Variants in CALN1 observed in about 807,000 individuals in gnomAD.
CALN1 encodes the protein calcium-binding protein 8.
A neutral mutation model predicts 30.6 loss-of-function variants in CALN1; 17 were observed. That is an observed-to-expected ratio of 0.56 (90% CI 0.38 to 0.83). CALN1 has a LOEUF of 0.83. Ranked by LOEUF, CALN1 falls within the 40% of genes least tolerant of loss-of-function variation. CALN1 has a pLI of 0.00. For synonymous variants in CALN1, 156 were observed against 131.4 expected, an observed-to-expected ratio of 1.19 and a Z score of -1.28; for missense variants, 291 against 354.9, an observed-to-expected ratio of 0.82 and a Z score of 1.45.
At chr7:72,399,069 G>A (rs547318741) in intron 2 of CALN1, among the ~76,000 whole-genome samples, 1 of 152,168 alleles carries the variant, frequency 6.6e-6, no homozygotes, top group Non-Finnish European at 1.5e-5. Flanking sequence ...AGAGAAGGAG[G>A]TCACCATCTA....
At chr7:72,143,081 A>G (rs1218107755) in intron 3 of CALN1, among the ~76,000 whole-genome samples, 1 of 152,220 alleles carries the variant, frequency 6.6e-6, no homozygotes, top group Non-Finnish European at 1.5e-5. Flanking sequence ...TCCTCCTCCA[A>G]AGGAATGCAG....
chr7:71,979,609 C>A (rs1289371491), intron 5 of CALN1, among the ~76,000 whole-genome samples: 1 of 152,158 alleles, frequency 6.6e-6, no homozygotes, highest in South Asian at 2.1e-4. Context: ...CCACCTCTCA[C>A]CTCTTGCTGT....
At chr7:72,059,887 G>C (rs1803527557) in intron 4 of CALN1, among the ~76,000 whole-genome samples, 1 of 152,224 alleles carries the variant, frequency 6.6e-6, no homozygotes, top group African/African-American at 2.4e-5. Flanking sequence ...GCTGGCAGCT[G>C]TGGAACATGC....
At chr7:71,897,921 T>G (rs1793611572) in intron 5 of CALN1, among the ~76,000 whole-genome samples, 1 of 131,524 alleles carries the variant, frequency 7.6e-6, no homozygotes. Flanking sequence ...AAACCAAGCT[T>G]GAGAATGTTG....
intron 2 of CALN1, among the ~76,000 whole-genome samples, chr7:72,287,858 G>A (rs551810824): frequency 6.6e-6 from 1 of 151,986 alleles, no homozygotes; most frequent in African/African-American, 2.4e-5. Flanking sequence ...ATATTTGCAG[G>A]AATTTCTCTG....
intron 3 of CALN1, among the ~76,000 whole-genome samples, chr7:72,236,292 G>T (rs1023071893): frequency 2.6e-5 from 4 of 152,042 alleles, no homozygotes; most frequent in Non-Finnish European, 5.9e-5. Context: ...GAGTTGACTT[G>T]GCTTGTAAGG....
chr7:72,169,713 A>G (rs1310932426), intron 3 of CALN1, among the ~76,000 whole-genome samples: 2 of 151,712 alleles, frequency 1.3e-5, no homozygotes, highest in Non-Finnish European at 2.9e-5. Context: ...CCCCCAAGAC[A>G]AAGTCTCACT....
intron 3 of CALN1, among the ~76,000 whole-genome samples, chr7:72,114,093 C>G (rs1023184356): frequency 2.6e-5 from 4 of 151,484 alleles, no homozygotes; most frequent in Non-Finnish European, 5.9e-5. Context: ...AAAGACAATG[C>G]TGGAGGGCTG....
chr7:72,214,022 G>A (rs1387028235), intron 3 of CALN1, among the ~76,000 whole-genome samples: 1 of 152,124 alleles, frequency 6.6e-6, no homozygotes, highest in Non-Finnish European at 1.5e-5. Context: ...AGCCACAGGA[G>A]GAGCACAGGC....
chr7:71,958,088 G>GAAAAAAAAAAAAAAAAAAAGAAAA (rs1797057602), intron 5 of CALN1, among the ~76,000 whole-genome samples: 1 of 125,370 alleles, frequency 8.0e-6, no homozygotes. Flanking sequence ...AAAAAAGAAA[G>GAAAAAAAAAAAAAAAAAAAGAAAA]AAAGAAAAAA....
intron 4 of CALN1, among the ~76,000 whole-genome samples, chr7:72,054,496 T>C (rs377283323): frequency 1.6e-5 from 1 of 62,738 alleles, no homozygotes; most frequent in Non-Finnish European, 2.7e-5. Context: ...TATATACATA[T>C]ATACATATAT....
intron 5 of CALN1, among the ~76,000 whole-genome samples, chr7:71,871,019 C>T (rs575690671): frequency 4.6e-5 from 7 of 151,712 alleles, no homozygotes; most frequent in Non-Finnish European, 7.4e-5. Flanking sequence ...TCTGACAACA[C>T]GCACCTGTTG....
At chr7:72,246,433 G>A (rs536345386) in intron 3 of CALN1, among the ~76,000 whole-genome samples, 1 of 152,250 alleles carries the variant, frequency 6.6e-6, no homozygotes, top group East Asian at 1.9e-4. Context: ...GGAGAGTGGT[G>A]TCCTCCCTGG....
intron 5 of CALN1, among the ~76,000 whole-genome samples, chr7:71,836,973 T>C (rs1183352124): frequency 6.7e-6 from 1 of 149,650 alleles, no homozygotes; most frequent in Non-Finnish European, 1.5e-5. Flanking sequence ...GGCTCCTGCC[T>C]GTAATCCCAG....
rs561965781 is a variant in CALN1, at chr7:72,073,656, T to TCTCCC, written c.388+32490_388+32494dup. ...CTGTCTTTTTCCTTCCTGTCTTCCT[T>TCTCCC]CTCCCCTCCCCTCCCCTCCCTTCTC... On this transcript the variant is annotated intron_variant, in intron 4 of 6. Transcript: ENST00000395275. Among the ~76,000 whole-genome samples the TCTCCC allele has an allele frequency of 4.0e-3, 602 of 151,574 alleles. 3 individuals are homozygous for TCTCCC. The highest frequency in any genetic ancestry group is 0.014 in the African/African-American group (579 of 41,172).
rs1047889434 is a variant in CALN1 at position 72,096,795 on chromosome 7, A to T, written c.388+9356T>A. Among the ~76,000 whole-genome samples the T allele has an allele frequency of 2.3e-4, 35 of 152,286 alleles. 2 individuals carry two copies. The highest frequency in any genetic ancestry group is 6.8e-3 in the Middle Eastern group (2 of 294). On this transcript the variant is annotated intron_variant, in intron 4 of 6. Coordinates refer to ENST00000395275, the MANE Select transcript of CALN1 (RefSeq NM_031468.4). Reference sequence around the variant, plus strand: ...AACCAGAAATACCATTTGACCCAGCAATCCCATTACTGGGTATATACCCAA... The same window carrying T: ...AACCAGAAATACCATTTGACCCAGCTATCCCATTACTGGGTATATACCCAA...
intron 3 of CALN1, among the ~76,000 whole-genome samples, chr7:72,163,387 G>A (rs1447392979): frequency 2.3e-4 from 12 of 53,184 alleles, no homozygotes; most frequent in Non-Finnish European, 3.5e-4. Flanking sequence ...AAACTTATTG[G>A]AGATTAAAAA....
the CALN1 span, among the ~76,000 whole-genome samples, chr7:72,491,219 TC>T: frequency 7.1e-6 from 1 of 140,178 alleles, no homozygotes; most frequent in Non-Finnish European, 1.5e-5. Context: ...AGAGCGAGAC[TC>T]CGTCTCAAAA....
chr7:72,441,954 A>ATG (rs1808359757), intron 1 of CALN1, among the ~76,000 whole-genome samples: 1 of 151,874 alleles, frequency 6.6e-6, no homozygotes, highest in Non-Finnish European at 1.5e-5. Flanking sequence ...GACGTCTCCA[A>ATG]TTTAACATGA....
Sources: gnomAD v4.1 joint callset for allele counts (sites outside exome capture counted in the v4.1 genomes callset) on GRCh38, gnomAD v4.1.1 for gene constraint, MANE v1.5 for transcripts, NCBI Gene and HGNC (gene_info 2026-07-23, HGNC 2026-07-21) for gene names.